FAM114A2: variants seen among roughly 807,000 people sequenced by gnomAD.
FAM114A2 encodes protein FAM114A2.
In FAM114A2, 53 loss-of-function variants were observed where a neutral mutation model predicts 58.4. That is an observed-to-expected ratio of 0.91 (90% CI 0.73 to 1.14). The LOEUF (loss-of-function observed/expected upper bound fraction) is 1.14, where lower values mean the gene tolerates loss of function less well. Among genes scored for constraint, FAM114A2 ranks in the 50% most tolerant of loss-of-function variants. The pLI is 0.00. For missense variants in FAM114A2, 601 were observed against 581.1 expected, an observed-to-expected ratio of 1.03 and a Z score of -0.35; for synonymous variants, 228 against 211.4, an observed-to-expected ratio of 1.08 and a Z score of -0.68.
intron 9 of FAM114A2, among the ~76,000 whole-genome samples, chr5:154,004,221 G>A (rs979639035): frequency 6.6e-6 from 1 of 152,132 alleles, no homozygotes; most frequent in Admixed American, 6.5e-5. Context: ...AATGAATCTA[G>A]TTTTCTTTGG....
At chr5:154,018,622 C>G (rs1344001526) in intron 8 of FAM114A2, among the ~76,000 whole-genome samples, 1 of 152,102 alleles carries the variant, frequency 6.6e-6, no homozygotes, top group Non-Finnish European at 1.5e-5. Context: ...AACTACAAAC[C>G]AATATCCCTG....
chr5:154,002,388 A>G lies in FAM114A2; in HGVS notation c.1119T>C (p.Asp373=). 2.5e-6 allele frequency: 4 copies of G among 1,613,464 alleles called. No homozygotes were observed. The highest frequency in any genetic ancestry group is 3.4e-6 in the Non-Finnish European group (4 of 1,179,414). The change falls in exon 11 of 14, where the codon GAT becomes GAC. Residue 373 remains aspartate, a splice_region_variant and synonymous_variant. Transcript: ENST00000351797. ...TEQVNKNSIE[D]IHAFAIRSLA... is the part of the protein sequence containing the mutation. ...GGCTCCGGATTGCAAACGCATGGATATCCTGGATGGAAAAACAAAACAAAG... is the reference window on the plus strand; with the variant it reads ...GGCTCCGGATTGCAAACGCATGGATGTCCTGGATGGAAAAACAAAACAAAG...
At chr5:154,010,712 C>T (rs1770635095) in intron 9 of FAM114A2, among the ~76,000 whole-genome samples, 1 of 152,158 alleles carries the variant, frequency 6.6e-6, no homozygotes, top group African/African-American at 2.4e-5. Context: ...TAAAGTCTCT[C>T]CACATTCCAA....
At position 154,002,898 on chromosome 5, in the gene FAM114A2, T is replaced by G; in HGVS notation, c.1065A>C (p.Glu355Asp). Residue 355 changes from glutamate to aspartate, a missense_variant, in exon 10 of 14, where the codon GAA (glutamate) becomes GAC (aspartate). By Grantham distance (45) the Glu-to-Asp change is conservative. Coordinates refer to ENST00000351797, the MANE Select transcript of FAM114A2 (RefSeq NM_018691.4). ...CAGTATTTTCTGCTTCCGACTGTTT[T>G]TCTCCTTCTTCATTCTCTGCTAATG... ...TKPLAENEEG[E>D]KQSEAENTEQ... 6.2e-7 allele frequency: 1 copy of G among 1,614,112 alleles called. No individual in the cohort carries two copies. Among genetic ancestry groups the G allele is most frequent in the Non-Finnish European group, 8.5e-7 (1 of 1,179,940 alleles).
chr5:153,993,490 T>C (rs750086977), intron 13 of FAM114A2, among the ~76,000 whole-genome samples: 1 of 152,204 alleles, frequency 6.6e-6, no homozygotes, highest in African/African-American at 2.4e-5. Context: ...CCTACACCTA[T>C]AGAATTTCTA....
chr5:154,028,345 A>G (rs763279667), intron 5 of FAM114A2, 62 bp from the exon 6 acceptor site: 42 of 1,164,422 alleles, frequency 3.6e-5, no homozygotes, highest in Non-Finnish European at 4.9e-5. Flanking sequence ...ATGCATTTTT[A>G]TTATGTATTT....
chr5:154,034,041 C>G (rs1772370875), intron 3 of FAM114A2, among the ~76,000 whole-genome samples, 158 bp from the exon 4 acceptor site: 1 of 152,056 alleles, frequency 6.6e-6, no homozygotes, highest in South Asian at 2.1e-4. Context: ...AAAATTGATT[C>G]ATCATCACCA....
At chr5:154,023,943 T>C (rs1176462691) in intron 8 of FAM114A2, among the ~76,000 whole-genome samples, 1 of 152,174 alleles carries the variant, frequency 6.6e-6, no homozygotes, top group African/African-American at 2.4e-5. Context: ...ATGTTTCCTG[T>C]CACAAGAAAG....
chr5:154,016,502 A>G (rs1049956577), intron 8 of FAM114A2, among the ~76,000 whole-genome samples: 1 of 152,208 alleles, frequency 6.6e-6, no homozygotes, highest in Non-Finnish European at 1.5e-5. Context: ...AGAATTTTGT[A>G]TCCAGTGAAA....
At chr5:154,026,568 G>A (rs993887371) in intron 7 of FAM114A2, 46 bp from the exon 8 acceptor site, 2 of 1,329,190 alleles carry the variant, frequency 1.5e-6, no homozygotes, top group Non-Finnish European at 9.9e-7. Context: ...TGAAAGAAAA[G>A]AAAAACATTC....
intron 8 of FAM114A2, among the ~76,000 whole-genome samples, chr5:154,023,854 A>G (rs183941747): frequency 6.6e-6 from 1 of 152,330 alleles, no homozygotes; most frequent in Non-Finnish European, 1.5e-5. Flanking sequence ...ATATACATGT[A>G]TATTTCTTCT....
chr5:153,997,549 G>A (rs1043881510), intron 12 of FAM114A2, among the ~76,000 whole-genome samples: 1 of 152,142 alleles, frequency 6.6e-6, no homozygotes, highest in Non-Finnish European at 1.5e-5. Context: ...CAAATCTATA[G>A]AGAAAGAAAG....
intron 8 of FAM114A2, among the ~76,000 whole-genome samples, chr5:154,025,478 T>C (rs2113439220): frequency 6.6e-6 from 1 of 152,268 alleles, no homozygotes; most frequent in Middle Eastern, 3.4e-3. Flanking sequence ...GACAACATCT[T>C]AGTATTATGA....
rs1180787235 is a variant in FAM114A2 at position 153,997,846 on chromosome 5, G to A, written c.1286C>T (p.Ser429Phe). ...GGTAGTGAACTCTTTAGACAGAGAG[G>A]ACAACTCTTTACACAACACAATTGT... is the stretch of plus-strand genomic sequence containing the variant. ...QMTIVLCKEL[S>F]SLSKEFTTCL... The change falls in exon 12 of 14, where the codon TCC becomes TTC. Residue 429 changes from serine (S) to phenylalanine (F), a missense_variant. Coordinates refer to ENST00000351797, the MANE Select transcript of FAM114A2 (RefSeq NM_018691.4). The A allele has an allele frequency of 1.2e-6, 2 of 1,605,336 alleles. No individual in the cohort carries two copies. The highest frequency in any genetic ancestry group is 1.7e-6 in the Non-Finnish European group (2 of 1,172,428).
chr5:154,017,684 T>C (rs569126704), intron 8 of FAM114A2, among the ~76,000 whole-genome samples: 72 of 152,294 alleles, frequency 4.7e-4, no homozygotes, highest in Non-Finnish European at 7.6e-4. Flanking sequence ...ACAGACCATA[T>C]GATAGGCCAC....
Position 153,997,848 on chromosome 5 carries a change from C to T in FAM114A2, c.1284G>A (p.Leu428=). The part of the protein sequence containing the change: ...SQMTIVLCKE[L]SSLSKEFTTC... Reference sequence around the variant, plus strand: ...TAGTGAACTCTTTAGACAGAGAGGACAACTCTTTACACAACACAATTGTCA... The same window carrying T: ...TAGTGAACTCTTTAGACAGAGAGGATAACTCTTTACACAACACAATTGTCA... The change falls in exon 12 of 14, where the codon TTG becomes TTA. Residue 428 remains leucine, a synonymous_variant. Coordinates refer to ENST00000351797, the MANE Select transcript of FAM114A2 (RefSeq NM_018691.4). The T allele has an allele frequency of 6.2e-7, 1 of 1,603,982 alleles. No individual in the cohort carries two copies. The highest frequency in any genetic ancestry group is 1.3e-5 in the African/African-American group (1 of 74,754).
chr5:154,022,849 T>C (rs1400869156), intron 8 of FAM114A2, among the ~76,000 whole-genome samples: 2 of 152,186 alleles, frequency 1.3e-5, no homozygotes, highest in Non-Finnish European at 2.9e-5. Context: ...ATGTTTATTG[T>C]AGCACTATTC....
At chr5:154,017,391 G>A (rs866612569) in intron 8 of FAM114A2, among the ~76,000 whole-genome samples, 4 of 152,294 alleles carry the variant, frequency 2.6e-5, no homozygotes, top group Non-Finnish European at 2.9e-5. Context: ...GCGGTGAGCC[G>A]AGATCGTGCC....
chr5:153,999,253 T>A (rs1485243910), intron 11 of FAM114A2, among the ~76,000 whole-genome samples: 1 of 152,240 alleles, frequency 6.6e-6, no homozygotes, highest in East Asian at 1.9e-4. Flanking sequence ...ATGCTCAACA[T>A]CACTGATGTA....
Sources: allele counts gnomAD v4.1 joint callset (sites outside exome capture counted in the v4.1 genomes callset), GRCh38; gene constraint gnomAD v4.1.1; transcripts MANE v1.5; gene names NCBI Gene and HGNC (gene_info 2026-07-23, HGNC 2026-07-21).